Variants in DNAJC5B observed in about 807,000 individuals in gnomAD.
The protein encoded by DNAJC5B is DnaJ heat shock protein family (Hsp40) member C5 beta.
DNAJC5B carries 23 observed loss-of-function variants against 24.7 expected under a neutral mutation model. The ratio of observed to expected loss-of-function variants is 0.93; its 90% CI spans 0.67 to 1.32. The LOEUF (loss-of-function observed/expected upper bound fraction) is 1.32. DNAJC5B is among the 40% of genes most tolerant of loss of function. The pLI, the probability that DNAJC5B is intolerant of heterozygous loss-of-function variation, is 0.00. For synonymous variants in DNAJC5B, 101 were observed against 90.1 expected, an observed-to-expected ratio of 1.12 and a Z score of -0.68; for missense variants, 238 against 240.8, an observed-to-expected ratio of 0.99 and a Z score of 0.08.
At chr8:66,052,068 G>A (rs989002860) in intron 3 of DNAJC5B, among the ~76,000 whole-genome samples, 13 of 151,378 alleles carry the variant, frequency 8.6e-5, no homozygotes, top group Non-Finnish European at 1.8e-4. Context: ...AGATTCAAGC[G>A]ATTCTCTGCC....
intron 3 of DNAJC5B, among the ~76,000 whole-genome samples, chr8:66,062,616 G>A (rs1299364571): frequency 6.6e-6 from 1 of 152,168 alleles, no homozygotes; most frequent in Non-Finnish European, 1.5e-5. Context: ...AAAATGCTGG[G>A]TAAGAAATCA....
intron 5 of DNAJC5B, among the ~76,000 whole-genome samples, chr8:66,096,363 T>C (rs1157889496): frequency 2.0e-5 from 3 of 152,172 alleles, no homozygotes; most frequent in Non-Finnish European, 4.4e-5. Context: ...GACTTCAACA[T>C]ACGAATTTTG....
In DNAJC5B at chr8:66,076,954, G is replaced by A. The variant is rs186825544; in HGVS notation, c.333+81G>A. The A allele has an allele frequency of 9.5e-4, 1,388 of 1,463,082 alleles. 4 individuals carry two copies. The highest frequency in any genetic ancestry group is 7.4e-3 in the Middle Eastern group (41 of 5,560). The allele number at this position is 1,463,082 out of a possible 1,614,324, so 90.6% of individuals were successfully genotyped here. On this transcript the variant is annotated intron_variant, in intron 4 of 5. Coordinates refer to ENST00000276570, the MANE Select transcript of DNAJC5B (RefSeq NM_033105.6). Reference sequence around the variant, plus strand: ...TCTTTTAGATTCCATCTCAAAGGAAGTCTAACCTTCCTGCTATTAAACTCT... The same window carrying A: ...TCTTTTAGATTCCATCTCAAAGGAAATCTAACCTTCCTGCTATTAAACTCT...
chr8:66,092,374 G>A (rs1203235970), intron 5 of DNAJC5B, among the ~76,000 whole-genome samples: 1 of 152,172 alleles, frequency 6.6e-6, no homozygotes, highest in African/African-American at 2.4e-5. Flanking sequence ...AGGTGACTCA[G>A]CCTATTACAC....
intron 3 of DNAJC5B, among the ~76,000 whole-genome samples, chr8:66,071,506 A>G (rs1011861961): frequency 2.0e-5 from 3 of 152,232 alleles, no homozygotes; most frequent in Non-Finnish European, 2.9e-5. Context: ...ATGAGATACC[A>G]TCTCATGCCA....
At chr8:66,055,714 G>A (rs1179555133) in intron 3 of DNAJC5B, among the ~76,000 whole-genome samples, 1 of 152,130 alleles carries the variant, frequency 6.6e-6, no homozygotes, top group Non-Finnish European at 1.5e-5. Context: ...CAAGGCGGGT[G>A]GATGGATCAC....
intron 5 of DNAJC5B, among the ~76,000 whole-genome samples, chr8:66,089,183 C>T (rs532658923): frequency 6.6e-5 from 10 of 152,266 alleles, no homozygotes; most frequent in Middle Eastern, 3.4e-3. Flanking sequence ...CTTCACAAGG[C>T]GACAGGAGAC....
intron 3 of DNAJC5B, among the ~76,000 whole-genome samples, chr8:66,069,368 G>A (rs1807296133): frequency 6.6e-6 from 1 of 151,964 alleles, no homozygotes; most frequent in Admixed American, 6.6e-5. Flanking sequence ...AAAAGGAGGG[G>A]CAAAGATGCT....
At chr8:66,068,787 C>T (rs529904110) in intron 3 of DNAJC5B, among the ~76,000 whole-genome samples, 1 of 152,198 alleles carries the variant, frequency 6.6e-6, no homozygotes, top group South Asian at 2.1e-4. Context: ...AGGCACATCA[C>T]AGGAAAACTT....
At chr8:66,052,633 A>G (rs953913381) in intron 3 of DNAJC5B, among the ~76,000 whole-genome samples, 1 of 152,062 alleles carries the variant, frequency 6.6e-6, no homozygotes, top group Non-Finnish European at 1.5e-5. Context: ...GGGGCTTCCT[A>G]CTCCAGGAGA....
At chr8:66,071,514 C>A (rs1807348718) in intron 3 of DNAJC5B, among the ~76,000 whole-genome samples, 1 of 152,090 alleles carries the variant, frequency 6.6e-6, no homozygotes, top group South Asian at 2.1e-4. Flanking sequence ...CCATCTCATG[C>A]CAGTTAGAAT....
At chr8:66,082,034 A>G (rs1260292346) in intron 5 of DNAJC5B, among the ~76,000 whole-genome samples, 1 of 152,132 alleles carries the variant, frequency 6.6e-6, no homozygotes, top group African/African-American at 2.4e-5. Context: ...GGTCCGTGAC[A>G]TTGACACAAC....
rs183480965 is a variant in DNAJC5B at position 66,053,855 on chromosome 8, C to T, written c.119+2189C>T. ...TGTTGGTCAGGCTGGTCTCTAACTC[C>T]CGACCTTAGGTGATCCTTCCGCCTC... On this transcript the variant is annotated intron_variant, in intron 3 of 5. Coordinates refer to ENST00000276570, the MANE Select transcript of DNAJC5B (RefSeq NM_033105.6). 3.3e-5 allele frequency among the ~76,000 whole-genome samples: 5 copies of T among 152,080 alleles called. No homozygotes were observed. The East Asian group carries it at 9.7e-4, about 29-fold the overall frequency.
chr8:66,079,680 G>A (rs1479856142), intron 4 of DNAJC5B, among the ~76,000 whole-genome samples: 1 of 152,202 alleles, frequency 6.6e-6, no homozygotes, highest in East Asian at 1.9e-4. Context: ...TCAGAGGCAG[G>A]AGCGCCATCA....
At chr8:66,082,291 C>T (rs1586110176) in intron 5 of DNAJC5B, among the ~76,000 whole-genome samples, 1 of 151,904 alleles carries the variant, frequency 6.6e-6, no homozygotes, top group African/African-American at 2.4e-5. Flanking sequence ...AAAACCAAAC[C>T]TAGGTATCCC....
Position 66,081,528 on chromosome 8 carries a change from C to T in DNAJC5B, c.505+980C>T, listed in dbSNP as rs1353595563. 5.3e-5 allele frequency among the ~76,000 whole-genome samples: 8 copies of T among 152,150 alleles called. No homozygotes were observed. The South Asian group carries it at 1.7e-3, about 32-fold the overall frequency. On this transcript the variant is annotated intron_variant, in intron 5 of 5. Coordinates refer to ENST00000276570, the MANE Select transcript of DNAJC5B (RefSeq NM_033105.6). ...TTCTGGACTGTATTGTACTCTGATT[C>T]TTTTGATCATACTGAAAAGGAAATT...
chr8:66,060,825 T>G (rs1445436971), intron 3 of DNAJC5B, among the ~76,000 whole-genome samples: 1 of 152,250 alleles, frequency 6.6e-6, no homozygotes, highest in Non-Finnish European at 1.5e-5. Flanking sequence ...AACGAATATG[T>G]ATTGAGCACC....
At chr8:66,023,978 T>G (rs1255643707) in intron 1 of DNAJC5B, among the ~76,000 whole-genome samples, 1 of 152,168 alleles carries the variant, frequency 6.6e-6, no homozygotes, top group Non-Finnish European at 1.5e-5. Context: ...AAGATCCAAA[T>G]TCTGAAAGAA....
chr8:66,019,550 C>G (rs151088482), upstream of DNAJC5B, among the ~76,000 whole-genome samples: 118 of 152,200 alleles, frequency 7.8e-4, no homozygotes, highest in Admixed American at 7.3e-3. Flanking sequence ...TTATTGTCAT[C>G]TGACATTTAA....
Sources: gnomAD v4.1 joint callset for allele counts (sites outside exome capture counted in the v4.1 genomes callset) on GRCh38, gnomAD v4.1.1 for gene constraint, MANE v1.5 for transcripts, NCBI Gene and HGNC (gene_info 2026-07-23, HGNC 2026-07-21) for gene names.